The following SWT1 variants were observed in gnomAD, a reference collection of about 807,000 sequenced individuals.
The protein encoded by SWT1 is transcriptional protein SWT1.
SWT1 carries 33 observed loss-of-function variants against 107.3 expected under a neutral mutation model. That is an observed-to-expected ratio of 0.31 (90% confidence interval 0.23 to 0.41). The LOEUF is 0.41. SWT1 is among the 10% of genes least tolerant of loss of function. The probability of loss-of-function intolerance (pLI) is 1.00; values close to 1 mark genes in which losing one functional copy is unlikely to be tolerated. For synonymous variants in SWT1, 345 were observed against 348.3 expected (o/e 0.99, Z 0.11); for missense variants, 898 against 1,028.9 (o/e 0.87, Z 1.74).
At chr1:185,170,623 C>T (rs1654967402) in intron 4 of SWT1, among the ~76,000 whole-genome samples, 1 of 152,182 alleles carries the variant, frequency 6.6e-6, no homozygotes, top group African/African-American at 2.4e-5. Flanking sequence ...TGCTGGAAAC[C>T]AAAGTGACAG....
chr1:185,182,668 C>CAAAA (rs59326029), intron 7 of SWT1, among the ~76,000 whole-genome samples: 383 of 66,428 alleles, frequency 5.8e-3, no homozygotes, highest in East Asian at 0.01. Context: ...CTCTCTCTCT[C>CAAAA]AAAAAAAAAA....
At chr1:185,214,409 T>C (rs927733963) in intron 13 of SWT1, 98 bp from the exon 14 acceptor site, 1 of 921,856 alleles carries the variant, frequency 1.1e-6, no homozygotes, top group Admixed American at 2.5e-5. Flanking sequence ...AAATGTATAC[T>C]CTTTTTAAAT....
At chr1:185,281,792 TGAAAG>T (rs1664639747) in intron 18 of SWT1, 1 of 153,648 alleles carries the variant, frequency 6.5e-6, no homozygotes, top group African/African-American at 2.4e-5. Flanking sequence ...TAAACAGTGA[TGAAAG>T]AAGAGAAAAA....
intron 13 of SWT1, among the ~76,000 whole-genome samples, chr1:185,212,727 C>T (rs967018916): frequency 5.4e-5 from 8 of 148,688 alleles, no homozygotes; most frequent in Admixed American, 1.4e-4. Flanking sequence ...CACTTGAACC[C>T]GGGAGGTGGA....
At chr1:185,174,215 A>G (rs540300802) in intron 4 of SWT1, among the ~76,000 whole-genome samples, 157 bp from the exon 5 acceptor site, 6 of 152,184 alleles carry the variant, frequency 3.9e-5, no homozygotes, top group South Asian at 4.1e-4. Context: ...TTCTAACACC[A>G]TTAAGTGAGT....
intron 16 of SWT1, among the ~76,000 whole-genome samples, chr1:185,262,069 G>A (rs1315875969): frequency 2.6e-5 from 4 of 152,150 alleles, no homozygotes; most frequent in Admixed American, 6.5e-5. Context: ...TTGTTAACGA[G>A]AGTGATCCTA....
chr1:185,219,051 TA>T (rs1659435851), intron 14 of SWT1, among the ~76,000 whole-genome samples: 1 of 152,328 alleles, frequency 6.6e-6, no homozygotes, highest in African/African-American at 2.4e-5. Flanking sequence ...TATTTGGTGA[TA>T]AAAAATTATC....
chr1:185,282,773 C>T (rs768486869), intron 18 of SWT1, among the ~76,000 whole-genome samples: 17 of 151,914 alleles, frequency 1.1e-4, no homozygotes, highest in Non-Finnish European at 2.4e-4. Flanking sequence ...TACACCGAGT[C>T]GGTGTTCACT....
intron 14 of SWT1, among the ~76,000 whole-genome samples, chr1:185,220,270 A>G (rs912356979): frequency 1.4e-5 from 2 of 147,036 alleles, no homozygotes; most frequent in African/African-American, 5.0e-5. Context: ...CCAACTGCAC[A>G]AGGCTAGAGC....
intron 16 of SWT1, among the ~76,000 whole-genome samples, chr1:185,257,444 G>A (rs1160024996): frequency 7.3e-5 from 11 of 150,670 alleles, no homozygotes; most frequent in Admixed American, 3.3e-4. Context: ...CTCCGTGGGC[G>A]TAGGACCCTC....
At chr1:185,248,544 C>T (rs1279579386) in intron 16 of SWT1, among the ~76,000 whole-genome samples, 1 of 151,860 alleles carries the variant, frequency 6.6e-6, no homozygotes, top group Non-Finnish European at 1.5e-5. Flanking sequence ...GTTTACACAC[C>T]CTATTTATTC....
chr1:185,196,574 G>A (rs906590626), intron 10 of SWT1, among the ~76,000 whole-genome samples: 1 of 152,134 alleles, frequency 6.6e-6, no homozygotes, highest in African/African-American at 2.4e-5. Context: ...ATTACTTTGG[G>A]CATTGTGGCC....
At chr1:185,281,922 A>G (rs1206228026) in intron 18 of SWT1, 2 of 152,258 alleles carry the variant, frequency 1.3e-5, no homozygotes, top group African/African-American at 2.4e-5. Flanking sequence ...AAGCTGTTCT[A>G]TTGACAACCC....
chr1:185,178,871 G>A (rs193159042), intron 5 of SWT1, among the ~76,000 whole-genome samples: 2 of 152,160 alleles, frequency 1.3e-5, no homozygotes, highest in African/African-American at 2.4e-5. Context: ...TATCATGTGA[G>A]GTTTGATGTT....
rs771699371 is a variant in SWT1, at chr1:185,204,708, C to T, written c.1678C>T (p.Pro560Ser). 4 of 1,570,930 alleles carry T rather than the reference C, an allele frequency of 2.5e-6. No individual in the cohort carries two copies. The highest frequency in any genetic ancestry group is 1.2e-5 in the South Asian group (1 of 82,392). ...PKQQLKAETT[P>S]LKESYKEEST... is the part of the protein sequence containing the mutation. ...AACTATTTGTTTTAAAGAAACAACA[C>T]CCTTGAAAGAGAGCTATAAGGAGGA... Residue 560 changes from proline to serine, a missense_variant, in exon 12 of 19, where the codon CCC becomes TCC. Pro to Ser is a moderately conservative substitution (Grantham distance 74, BLOSUM62 -1). Around this residue, in one of 6 missense-constraint regions of SWT1, gnomAD observed 382 missense variants for 460.0 expected, o/e 0.83. Coordinates refer to ENST00000367500, the MANE Select transcript of SWT1 (RefSeq NM_017673.7).
At chr1:185,209,685 A>C (rs148758084) in intron 13 of SWT1, among the ~76,000 whole-genome samples, 1,740 of 152,334 alleles carry the variant, frequency 0.011, 14 homozygotes, top group Non-Finnish European at 0.017. Context: ...CAGTAAACAT[A>C]CATGTGCATA....
Position 185,165,464 on chromosome 1 carries a change from T to C in SWT1, c.85-1108T>C, listed in dbSNP as rs1432205711. On this transcript the variant is annotated intron_variant, in intron 2 of 18. Transcript: ENST00000367500. ...TATACTGGTGTTCAGAGTCTGACTA[T>C]CTCCTTTACTGCTATGTCCATGATC... Among the ~76,000 whole-genome samples the C allele has an allele frequency of 3.9e-5, 6 of 152,278 alleles. No individual in the cohort carries two copies. In the East Asian group the frequency reaches 1.2e-3, roughly 29 times the overall value.
chr1:185,223,186 C>T (rs1285190258), intron 15 of SWT1, among the ~76,000 whole-genome samples: 4 of 152,074 alleles, frequency 2.6e-5, no homozygotes, highest in African/African-American at 9.7e-5. Context: ...TAAAGTGTTC[C>T]CTTTTCTGCA....
chr1:185,188,132 GA>G (rs1656656778), intron 9 of SWT1, among the ~76,000 whole-genome samples: 3 of 152,154 alleles, frequency 2.0e-5, no homozygotes, highest in Admixed American at 2.0e-4. Flanking sequence ...TAGTAAGTGG[GA>G]AAACAAGGAT....
Sources: gnomAD v4.1 joint callset for allele counts (sites outside exome capture counted in the v4.1 genomes callset) on GRCh38, gnomAD v4.1.1 for gene constraint, gnomAD v4.1.1 regional missense constraint, MANE v1.5 for transcripts, NCBI Gene and HGNC (gene_info 2026-07-23, HGNC 2026-07-21) for gene names.